The following PCDH11X variants were observed in gnomAD, a reference collection of about 807,000 sequenced individuals.
PCDH11X encodes the protein protocadherin-11 X-linked.
In PCDH11X, 18 loss-of-function variants were observed where a neutral mutation model predicts 53.3. The observed-to-expected ratio is 0.34, with a 90% CI of 0.23 to 0.50. The LOEUF (loss-of-function observed/expected upper bound fraction) is 0.50, where lower values mean the gene tolerates loss of function less well. PCDH11X is among the 20% of genes least tolerant of loss of function. The pLI, the probability that PCDH11X is intolerant of heterozygous loss-of-function variation, is 0.98. For synonymous variants in PCDH11X, 279 were observed against 393.3 expected, an observed-to-expected ratio of 0.71 and a Z score of 3.44; for missense variants, 570 against 1,032.4, an observed-to-expected ratio of 0.55 and a Z score of 6.14.
chrX:91,922,747 T>G (rs1941793244), intron 6 of PCDH11X, among the ~76,000 whole-genome samples: 1 of 112,139 alleles, frequency 8.9e-6, no homozygotes, highest in African/African-American at 3.2e-5. Context: ...GGAAAAATAG[T>G]CTTCCACAAA....
At chrX:92,238,162 A>T (rs985051592) in intron 7 of PCDH11X, among the ~76,000 whole-genome samples, 3 of 111,875 alleles carry the variant, frequency 2.7e-5, no homozygotes, top group Non-Finnish European at 5.7e-5. Context: ...TTGAAAACTA[A>T]AAAAACTTTA....
At chrX:92,121,399 A>G (rs1175178224) in intron 6 of PCDH11X, among the ~76,000 whole-genome samples, 2 of 111,391 alleles carry the variant, frequency 1.8e-5, no homozygotes, top group African/African-American at 6.5e-5. Flanking sequence ...CAGGTGATCC[A>G]CCCACCTCGG....
chrX:92,273,999 C>A (rs866874944), intron 8 of PCDH11X, among the ~76,000 whole-genome samples: 27 of 108,373 alleles, frequency 2.5e-4, no homozygotes, highest in African/African-American at 7.8e-4. Flanking sequence ...CCGGCAGTGT[C>A]AACAAGAGCA....
At chrX:92,148,189 T>C (rs1238421879) in intron 6 of PCDH11X, among the ~76,000 whole-genome samples, 77 of 57,049 alleles carry the variant, frequency 1.3e-3, no homozygotes, top group African/African-American at 3.3e-3. Context: ...TCTTTCTTTC[T>C]TTCTTTCTTT....
intron 6 of PCDH11X, among the ~76,000 whole-genome samples, chrX:92,074,615 C>T (rs1457842205): frequency 9.0e-6 from 1 of 111,449 alleles, no homozygotes; most frequent in Non-Finnish European, 1.9e-5. Context: ...CTCAATTTAG[C>T]TTATAGGAAA....
At chrX:92,505,877 C>G (rs1476475417) in intron 10 of PCDH11X, among the ~76,000 whole-genome samples, 1 of 111,333 alleles carries the variant, frequency 9.0e-6, no homozygotes. Context: ...CGATCTTTCA[C>G]CTCTCTGGTT....
intron 10 of PCDH11X, among the ~76,000 whole-genome samples, chrX:92,484,285 G>GTA (rs1384569249): frequency 2.0e-5 from 2 of 100,142 alleles, no homozygotes; most frequent in Admixed American, 1.2e-4. Context: ...GTATATATAT[G>GTA]TATATATATG....
chrX:91,843,120 C>G (rs1389333891), intron 5 of PCDH11X, among the ~76,000 whole-genome samples: 2 of 105,318 alleles, frequency 1.9e-5, no homozygotes, highest in Non-Finnish European at 3.9e-5. Context: ...GCTCAATGTA[C>G]AAAGTCTTGA....
chrX:92,091,726 T>C (rs912430466), intron 6 of PCDH11X, among the ~76,000 whole-genome samples: 7 of 111,597 alleles, frequency 6.3e-5, no homozygotes, highest in South Asian at 3.8e-4. Flanking sequence ...CTGGGATCAA[T>C]AGAAAGGAAA....
intron 6 of PCDH11X, among the ~76,000 whole-genome samples, chrX:91,963,694 T>G (rs1157177670): frequency 9.0e-6 from 1 of 111,649 alleles, no homozygotes; most frequent in African/African-American, 3.3e-5. Context: ...ATTTACTGTA[T>G]TAGTCTGTTC....
At chrX:92,176,977 GGTT>G (rs757739365) in intron 6 of PCDH11X, among the ~76,000 whole-genome samples, 4 of 101,098 alleles carry the variant, frequency 4.0e-5, no homozygotes, top group South Asian at 4.7e-4. Context: ...TTTTTTTTTT[GGTT>G]GTTGTTTTTT....
chrX:91,942,154 GGAA>G lies in PCDH11X; in HGVS notation c.3033+62891_3033+62893del, dbSNP rs1165799465. The stretch of plus-strand genomic sequence containing the variant: ...ACCTCAGGCTTAATATTAAGCAACT[GGAA>G]GAAGAAGAACAAGTTAAACACAAAG... On this transcript the variant is annotated intron_variant, in intron 6 of 10. Transcript: ENST00000682573. Among the ~76,000 whole-genome samples, 3 of 109,479 alleles carry G rather than the reference GGAA, an allele frequency of 2.7e-5. No homozygotes were observed. In the East Asian group the frequency reaches 8.8e-4, roughly 32 times the overall value.
chrX:92,536,248 T>A (rs2148731755), intron 10 of PCDH11X, among the ~76,000 whole-genome samples: 1 of 111,640 alleles, frequency 9.0e-6, no homozygotes, highest in African/African-American at 3.3e-5. Flanking sequence ...TCTATCAGAT[T>A]GTTTATGTAC....
chrX:92,224,888 GATT>G (rs1422674749), intron 7 of PCDH11X, among the ~76,000 whole-genome samples: 1 of 112,112 alleles, frequency 8.9e-6, no homozygotes, highest in Non-Finnish European at 1.9e-5. Context: ...CATCTAAAGT[GATT>G]ATCTCTTGCC....
chrX:91,864,354 T>C (rs5984837), intron 5 of PCDH11X, among the ~76,000 whole-genome samples: 2,233 of 101,284 alleles, frequency 0.022, 38 homozygotes, highest in Non-Finnish European at 0.031. Flanking sequence ...AGAAGCCTGC[T>C]TCCAGACGTA....
chrX:91,866,753 A>G (rs1347583211), intron 5 of PCDH11X, among the ~76,000 whole-genome samples: 1 of 110,600 alleles, frequency 9.0e-6, no homozygotes. Flanking sequence ...TTCTTTGTAG[A>G]TAGATGTTAA....
chrX:92,575,587 T>G (rs909555822), intron 10 of PCDH11X, among the ~76,000 whole-genome samples: 1 of 108,936 alleles, frequency 9.2e-6, no homozygotes, highest in African/African-American at 3.3e-5. Flanking sequence ...AAAAGACTGT[T>G]GTCTACTATT....
Position 91,828,804 on chromosome X carries a change from A to T in PCDH11X, c.-44-6657A>T, listed in dbSNP as rs1353824188. On this transcript the variant is annotated intron_variant, in intron 4 of 10. Transcript: ENST00000682573. ...TTGTCTCACGGGGTGAATGAATGCA[A>T]CTATTAAAGTCATTTCTCTGTTCCT... Among the ~76,000 whole-genome samples the T allele has an allele frequency of 4.5e-5, 5 of 111,621 alleles. No homozygotes were observed. The South Asian group carries it at 1.5e-3, about 33-fold the overall frequency.
At chrX:92,209,306 T>A (rs1178321082) in intron 7 of PCDH11X, among the ~76,000 whole-genome samples, 1 of 111,771 alleles carries the variant, frequency 8.9e-6, no homozygotes, top group Non-Finnish European at 1.9e-5. Flanking sequence ...TCCGTAAAAT[T>A]TTTTTAAAAA....
Sources: allele counts gnomAD v4.1 joint callset (sites outside exome capture counted in the v4.1 genomes callset), GRCh38; gene constraint gnomAD v4.1.1; transcripts MANE v1.5; gene names NCBI Gene and HGNC (gene_info 2026-07-23, HGNC 2026-07-21).